SFI1: variants seen among roughly 807,000 people sequenced by gnomAD.
SFI1 encodes the protein protein SFI1 homolog.
In SFI1, 195 loss-of-function variants were observed where a neutral mutation model predicts 207.5. The ratio of observed to expected loss-of-function variants is 0.94; its 90% confidence interval spans 0.84 to 1.06. The LOEUF (loss-of-function observed/expected upper bound fraction) is 1.06. Among genes scored for constraint, SFI1 ranks in the 50% least tolerant of loss-of-function variants. The probability of loss-of-function intolerance (pLI) is 0.00; values close to 1 mark genes in which losing one functional copy is unlikely to be tolerated. For synonymous variants in SFI1, 630 were observed against 598.9 expected (o/e 1.05, Z -0.76); for missense variants, 1,634 against 1,588.0 (o/e 1.03, Z -0.49).
chr22:31,613,408 C>T lies in SFI1; in HGVS notation c.2620C>T (p.Leu874=), dbSNP rs754856363. 6.2e-7 allele frequency: 1 copy of T among 1,611,032 alleles called. No individual in the cohort carries two copies. Among genetic ancestry groups the T allele is most frequent in the South Asian group, 1.1e-5 (1 of 91,062 alleles). The change falls in exon 26 of 33, where the codon CTG becomes TTG. Residue 874 remains leucine, a synonymous_variant. Coordinates refer to ENST00000400288, the MANE Select transcript of SFI1 (RefSeq NM_001007467.3). ...GGAAAGGAGGAGAAAGAAGGCGCGG[C>T]TGCAGTGGGCGCTCCAGGCCTACCA... ...VLERRRKKAR[L]QWALQAYQGQ...
intron 8 of SFI1, among the ~76,000 whole-genome samples, chr22:31,566,660 G>A (rs912901791): frequency 2.0e-5 from 3 of 152,170 alleles, no homozygotes; most frequent in Non-Finnish European, 4.4e-5. Flanking sequence ...TACCTCATGA[G>A]ATTATTGAGG....
chr22:31,545,901 T>TA (rs1555984557), intron 4 of SFI1, among the ~76,000 whole-genome samples: 14 of 143,980 alleles, frequency 9.7e-5, no homozygotes, highest in East Asian at 8.2e-4. Flanking sequence ...TTTTTTTTTT[T>TA]AATGTATTTG....
chr22:31,596,972 C>T (rs891351060), intron 15 of SFI1, among the ~76,000 whole-genome samples: 2 of 115,544 alleles, frequency 1.7e-5, no homozygotes, highest in African/African-American at 6.7e-5. Flanking sequence ...ACACGGTACC[C>T]GTTTCTAAAT....
intron 12 of SFI1, among the ~76,000 whole-genome samples, chr22:31,583,630 T>G (rs916204030): frequency 3.9e-5 from 6 of 152,226 alleles, no homozygotes; most frequent in Non-Finnish European, 5.9e-5. Flanking sequence ...CATTGTCTTC[T>G]GTGGGATTAG....
At chr22:31,530,466 G>A (rs983169361) in intron 3 of SFI1, 2 of 273,000 alleles carry the variant, frequency 7.3e-6, no homozygotes, top group African/African-American at 5.6e-5. Flanking sequence ...CTCTAACCTG[G>A]GCGACAGAGC....
chr22:31,585,861 CCT>C (rs750204538), intron 14 of SFI1, among the ~76,000 whole-genome samples: 2 of 152,120 alleles, frequency 1.3e-5, no homozygotes, highest in Non-Finnish European at 2.9e-5. Context: ...AGAAGTGCCC[CCT>C]TTTTGGTCAT....
chr22:31,555,404 C>G (rs552305380), intron 6 of SFI1, among the ~76,000 whole-genome samples: 1 of 152,222 alleles, frequency 6.6e-6, no homozygotes, highest in Non-Finnish European at 1.5e-5. Context: ...TTATTTCTGA[C>G]ATAAGACAAG....
intron 9 of SFI1, among the ~76,000 whole-genome samples, 169 bp from the exon 10 acceptor site, chr22:31,575,062 G>GAA (rs367718706): frequency 0.013 from 1,407 of 110,224 alleles, 12 homozygotes; most frequent in Middle Eastern, 0.027. Flanking sequence ...CCAACTCAAA[G>GAA]AAAAAAAAAA....
In SFI1 at chr22:31,602,753, C is replaced by G; in HGVS notation, c.1773C>G (p.Leu591=). The G allele has an allele frequency of 6.2e-7, 1 of 1,614,010 alleles. No individual in the cohort carries two copies. Among genetic ancestry groups the G allele is most frequent in the Non-Finnish European group, 8.5e-7 (1 of 1,180,032 alleles). Residue 591 remains leucine (L), a synonymous_variant, in exon 17 of 33, where the codon CTC becomes CTG. Transcript: ENST00000400288. ...GGCGGCTCAAGAAAGCTTTCTGCCT[C>G]TGGAGGGAAAGTGCCCAAGGGCTCA... ...RHGRLKKAFC[L]WRESAQGLRT...
intron 12 of SFI1, 42 bp downstream of exon 12, chr22:31,580,406 C>T (rs1160191878): frequency 6.7e-7 from 1 of 1,496,046 alleles, no homozygotes; most frequent in Admixed American, 1.8e-5. Flanking sequence ...TTCTGAAGGC[C>T]ATTCTCTCTC....
At chr22:31,530,656 A>G in intron 3 of SFI1, 1 of 471,916 alleles carries the variant, frequency 2.1e-6, no homozygotes, top group Non-Finnish European at 4.4e-6. Context: ...TGGTGTCATA[A>G]CATTACAGGA....
At chr22:31,614,108 G>A (rs2070908981) in intron 27 of SFI1, 2 of 506,708 alleles carry the variant, frequency 3.9e-6, no homozygotes, top group South Asian at 3.6e-5. Flanking sequence ...CCCCTCCTCT[G>A]CAACACCTTC....
At chr22:31,577,458 C>G (rs978608666) in intron 10 of SFI1, among the ~76,000 whole-genome samples, 11 of 152,236 alleles carry the variant, frequency 7.2e-5, no homozygotes, top group African/African-American at 2.6e-4. Flanking sequence ...AGTGCAGTGG[C>G]TTTCACAGGC....
chr22:31,537,169 C>G (rs769743196), intron 4 of SFI1, among the ~76,000 whole-genome samples: 2 of 152,124 alleles, frequency 1.3e-5, no homozygotes, highest in Non-Finnish European at 2.9e-5. Flanking sequence ...CACATTGGCC[C>G]TTTGTCCTCA....
At chr22:31,550,182 G>C in intron 5 of SFI1, 72 bp from the exon 6 acceptor site, 1 of 1,195,402 alleles carries the variant, frequency 8.4e-7, no homozygotes. Flanking sequence ...AAGTGCTAGG[G>C]TTACAGGTGT....
chr22:31,500,808 T>C (rs959973963), intron 1 of SFI1, among the ~76,000 whole-genome samples: 2 of 146,106 alleles, frequency 1.4e-5, no homozygotes, highest in African/African-American at 5.2e-5. Context: ...TGTTTTTTGT[T>C]TTTTTTTTTG....
chr22:31,595,229 C>T (rs2066925862), intron 15 of SFI1, among the ~76,000 whole-genome samples: 1 of 152,154 alleles, frequency 6.6e-6, no homozygotes, highest in South Asian at 2.1e-4. Flanking sequence ...AACTCCTGAC[C>T]TCGTGATCCA....
At chr22:31,584,417 TGG>T (rs2064753725) in intron 13 of SFI1, among the ~76,000 whole-genome samples, 2 of 152,040 alleles carry the variant, frequency 1.3e-5, no homozygotes, top group African/African-American at 4.8e-5. Flanking sequence ...ATGTATAGGG[TGG>T]AAAGTATAAA....
At chr22:31,500,644 A>G (rs2053589697) in intron 1 of SFI1, among the ~76,000 whole-genome samples, 1 of 151,828 alleles carries the variant, frequency 6.6e-6, no homozygotes, top group Admixed American at 6.6e-5. Context: ...TTTAGTAGAG[A>G]CAGGGTTTTG....
Sources: gnomAD v4.1 joint callset for allele counts (sites outside exome capture counted in the v4.1 genomes callset) on GRCh38, gnomAD v4.1.1 for gene constraint, MANE v1.5 for transcripts, NCBI Gene and HGNC (gene_info 2026-07-23, HGNC 2026-07-21) for gene names.